CD96: variants seen among roughly 807,000 people sequenced by gnomAD.
CD96 encodes the protein CD96 molecule.
CD96 carries 70 observed loss-of-function variants against 71.3 expected under a neutral mutation model. That is an observed-to-expected ratio of 0.98 (90% confidence interval 0.81 to 1.20). CD96 has a LOEUF of 1.20. Ranked by LOEUF, CD96 falls within the 50% of genes most tolerant of loss-of-function variation. The probability of loss-of-function intolerance (pLI) is 0.00; values close to 1 mark genes in which losing one functional copy is unlikely to be tolerated. For synonymous variants in CD96, 248 were observed against 233.0 expected (o/e 1.06, Z -0.59); for missense variants, 742 against 677.5 (o/e 1.10, Z -1.06).
rs547703085 is a variant in CD96, at chr3:111,555,045, T to A, written c.418+9643T>A. 8.5e-5 allele frequency among the ~76,000 whole-genome samples: 13 copies of A among 152,206 alleles called. No homozygotes were observed. The East Asian group carries it at 2.5e-3, about 29-fold the overall frequency. On this transcript the variant is annotated intron_variant, in intron 2 of 13. Transcript: ENST00000352690. ...GCAGGACACAGATCTCAGATGGTAATGCAAGTGATGGGGAGTAGCTGTAAA... is the reference window on the plus strand; with the variant it reads ...GCAGGACACAGATCTCAGATGGTAAAGCAAGTGATGGGGAGTAGCTGTAAA...
chr3:111,550,558 T>A (rs956901045), intron 2 of CD96, among the ~76,000 whole-genome samples: 6 of 151,660 alleles, frequency 4.0e-5, no homozygotes, highest in Non-Finnish European at 8.8e-5. Flanking sequence ...GGGACAATGA[T>A]ACTCACAACA....
intron 12 of CD96, among the ~76,000 whole-genome samples, chr3:111,643,613 A>G (rs888212397): frequency 1.3e-5 from 2 of 152,294 alleles, no homozygotes; most frequent in Admixed American, 6.5e-5. Flanking sequence ...TAGAACTGAT[A>G]AAAGAATTCA....
intron 3 of CD96, chr3:111,571,051 C>CCTA: frequency 8.8e-6 from 10 of 1,136,358 alleles, no homozygotes; most frequent in Non-Finnish European, 1.3e-5. Flanking sequence ...GGAGGTCCCT[C>CCTA]CAGGCTGTGG....
At position 111,545,999 on chromosome 3, in the gene CD96, TAA is replaced by T. The variant is rs34298483; in HGVS notation, c.418+607_418+608del. Reference sequence around the variant, plus strand: ...ATAGGCTGACTGTATTTGTGTTGTTTAAAAAAAAAAAGTCATACTGACTTTCA... The same window carrying T: ...ATAGGCTGACTGTATTTGTGTTGTTTAAAAAAAAAGTCATACTGACTTTCA... On this transcript the variant is annotated intron_variant, in intron 2 of 13. Coordinates refer to ENST00000352690, the MANE Select transcript of CD96 (RefSeq NM_005816.5). Among the ~76,000 whole-genome samples the T allele has an allele frequency of 1.1e-3, 166 of 149,222 alleles. 1 individual carries two copies. The South Asian group carries it at 0.013, about 12-fold the overall frequency.
In CD96 at chr3:111,542,210, A is replaced by G. The variant is rs1438436555; in HGVS notation, c.-39A>G. 2 of 1,590,240 alleles carry G rather than the reference A, an allele frequency of 1.3e-6. No individual in the cohort carries two copies. Among genetic ancestry groups the G allele is most frequent in the Admixed American group, 1.7e-5 (1 of 59,966 alleles). On this transcript the variant is annotated 5_prime_UTR_variant, in exon 1 of 14. Transcript: ENST00000352690. ...CTTGAAAACATCAATTGACTTTGTG[A>G]TCATTACAGAAATGCTGGTGTAAGG...
intron 3 of CD96, among the ~76,000 whole-genome samples, chr3:111,575,178 GT>G (rs1279126552): frequency 2.6e-5 from 4 of 152,126 alleles, no homozygotes; most frequent in Non-Finnish European, 4.4e-5. Context: ...CATTAACAGT[GT>G]GATATTTGGA....
At chr3:111,598,034 G>T in intron 5 of CD96, 86 bp from the exon 6 acceptor site, 3 of 654,828 alleles carry the variant, frequency 4.6e-6, no homozygotes, top group Non-Finnish European at 5.4e-6. Context: ...ACTCTTTTTT[G>T]CCAACTTATA....
intron 9 of CD96, 147 bp downstream of exon 9, chr3:111,623,969 G>A (rs552759811): frequency 5.7e-5 from 40 of 706,692 alleles, no homozygotes; most frequent in Admixed American, 3.9e-4. Flanking sequence ...GTTACTCTGC[G>A]GTGACTATAT....
In CD96 at chr3:111,638,127, C is replaced by G; in HGVS notation, c.1436C>G (p.Thr479Ser). 1 of 1,611,628 alleles carries G rather than the reference C, an allele frequency of 6.2e-7. No individual in the cohort carries two copies. Among genetic ancestry groups the G allele is most frequent in the Non-Finnish European group, 8.5e-7 (1 of 1,177,766 alleles). The change falls in exon 12 of 14, where the codon ACT (threonine) becomes AGT (serine). Residue 479 changes from threonine to serine, a missense_variant. Transcript: ENST00000352690. ...AGAGCATTTTCAGAAGTCCCCACAACTGCCAATGGATCTACGAAAACTAAT... is the reference window on the plus strand; with the variant it reads ...AGAGCATTTTCAGAAGTCCCCACAAGTGCCAATGGATCTACGAAAACTAAT... ...TARAFSEVPT[T>S]ANGSTKTNHV... is the part of the protein sequence containing the mutation.
At chr3:111,623,928 C>T in intron 9 of CD96, 106 bp downstream of exon 9, 1 of 792,194 alleles carries the variant, frequency 1.3e-6, no homozygotes. Context: ...CTGTATTTTT[C>T]ATTTGATGTT....
chr3:111,601,782 G>A (rs1018948666), intron 7 of CD96, among the ~76,000 whole-genome samples: 1 of 152,144 alleles, frequency 6.6e-6, no homozygotes, highest in Non-Finnish European at 1.5e-5. Flanking sequence ...AATTTAAGAA[G>A]GAAACAGTTT....
chr3:111,583,853 G>C (rs1936581542), intron 4 of CD96, among the ~76,000 whole-genome samples: 1 of 152,236 alleles, frequency 6.6e-6, no homozygotes, highest in South Asian at 2.1e-4. Context: ...GATGGGAGGG[G>C]CTGCTGTGAA....
At chr3:111,620,574 G>T (rs1938470929) in intron 8 of CD96, among the ~76,000 whole-genome samples, 1 of 152,204 alleles carries the variant, frequency 6.6e-6, no homozygotes, top group Non-Finnish European at 1.5e-5. Context: ...AACCTGTCAA[G>T]TTGGTTCAGA....
intron 2 of CD96, among the ~76,000 whole-genome samples, chr3:111,567,288 T>C (rs1028922758): frequency 7.2e-5 from 11 of 152,180 alleles, no homozygotes; most frequent in African/African-American, 2.7e-4. Context: ...TTTGATTCTG[T>C]TGGGGTCATT....
intron 4 of CD96, among the ~76,000 whole-genome samples, chr3:111,580,715 C>T (rs186817328): frequency 1.8e-4 from 28 of 152,254 alleles, no homozygotes; most frequent in Admixed American, 1.6e-3. Context: ...TTCATCTCTC[C>T]TCAGGGATGG....
intron 5 of CD96, among the ~76,000 whole-genome samples, chr3:111,589,158 G>A (rs890781158): frequency 6.6e-6 from 1 of 151,848 alleles, no homozygotes; most frequent in Non-Finnish European, 1.5e-5. Context: ...CACCGTGTTA[G>A]CCAGGGTGGT....
intron 5 of CD96, chr3:111,594,902 T>C (rs1425098667): frequency 2.4e-5 from 4 of 167,150 alleles, no homozygotes; most frequent in African/African-American, 9.7e-5. Flanking sequence ...GAGGTGTCTC[T>C]CAGAGGCCAG....
chr3:111,635,713 T>C (rs1939295480), intron 10 of CD96, among the ~76,000 whole-genome samples: 1 of 152,218 alleles, frequency 6.6e-6, no homozygotes, highest in Non-Finnish European at 1.5e-5. Context: ...GAAAATATTT[T>C]TAAATACCCA....
intron 11 of CD96, 112 bp downstream of exon 11, chr3:111,637,373 G>A: frequency 1.4e-6 from 1 of 732,088 alleles, no homozygotes; most frequent in Non-Finnish European, 2.5e-6. Flanking sequence ...ATATATAAAA[G>A]TACATCTTGA....
Sources: allele counts gnomAD v4.1 joint callset (sites outside exome capture counted in the v4.1 genomes callset), GRCh38; gene constraint gnomAD v4.1.1; transcripts MANE v1.5; gene names NCBI Gene and HGNC (gene_info 2026-07-23, HGNC 2026-07-21).